CAMTA1: variants seen among roughly 807,000 people sequenced by gnomAD.
CAMTA1 encodes the protein calmodulin binding transcription activator 1, also known as calmodulin-binding transcription activator 1.
A neutral mutation model predicts 170.9 loss-of-function variants in CAMTA1; 27 were observed. That is an observed-to-expected ratio of 0.16 (90% confidence interval 0.12 to 0.22). The LOEUF is 0.22. Among genes scored for constraint, CAMTA1 ranks in the 10% least tolerant of loss-of-function variants. CAMTA1 has a pLI of 1.00. For synonymous variants in CAMTA1, 833 were observed against 891.5 expected (o/e 0.93, Z 1.17); for missense variants, 1,619 against 2,217.2 (o/e 0.73, Z 5.42).
chr1:6,884,291 GAC>G (rs112571156), intron 3 of CAMTA1, among the ~76,000 whole-genome samples: 4,080 of 136,562 alleles, frequency 0.03, 118 homozygotes, highest in African/African-American at 0.082. Flanking sequence ...ATTCTCTAGA[GAC>G]ACACACACAC....
intron 1 of CAMTA1, among the ~76,000 whole-genome samples, chr1:6,809,647 G>A (rs1429908616): frequency 6.6e-6 from 1 of 152,140 alleles, no homozygotes; most frequent in Non-Finnish European, 1.5e-5. Context: ...TCACAGTTGT[G>A]AGTGAGATTG....
At chr1:7,485,486 G>T (rs375744962) in intron 6 of CAMTA1, among the ~76,000 whole-genome samples, 1 of 152,234 alleles carries the variant, frequency 6.6e-6, no homozygotes, top group South Asian at 2.1e-4. Context: ...TCTGAACTTG[G>T]AGTAGTATGG....
chr1:7,655,289 C>CAA (rs766130080), intron 7 of CAMTA1, among the ~76,000 whole-genome samples: 12,626 of 145,922 alleles, frequency 0.087, 734 homozygotes, highest in Non-Finnish European at 0.13. Context: ...GTTATACACA[C>CAA]ACACACCTAT....
intron 11 of CAMTA1, chr1:7,694,771 C>T (rs890659686): frequency 4.6e-5 from 7 of 152,572 alleles, no homozygotes; most frequent in South Asian, 2.1e-4. Context: ...GTCCCCTCCT[C>T]GATGGCTACT....
rs1215284856 is a variant in CAMTA1, at chr1:7,748,664, T to C, written c.4689+883T>C. 1.3e-5 allele frequency among the ~76,000 whole-genome samples: 2 copies of C among 152,230 alleles called. No homozygotes were observed. Among genetic ancestry groups the C allele is most frequent in the African/African-American group, 4.8e-5 (2 of 41,460 alleles). The stretch of plus-strand genomic sequence containing the variant: ...CTTTGAGTTTGAATTATATAAGGTA[T>C]TTAATCTTTGGCCATTTTCCTTTCA... On this transcript the variant is annotated intron_variant, in intron 19 of 22. Transcript: ENST00000303635. The surrounding 1 kb of genome is among the most constrained non-coding windows in gnomAD (Gnocchi z 4.7).
intron 6 of CAMTA1, among the ~76,000 whole-genome samples, chr1:7,537,832 G>A (rs1220754874): frequency 2.0e-5 from 3 of 152,204 alleles, no homozygotes; most frequent in Non-Finnish European, 2.9e-5. Context: ...GTTCAGTCTC[G>A]CCTTTTGGGG....
intron 6 of CAMTA1, among the ~76,000 whole-genome samples, chr1:7,536,067 G>A (rs953798349): frequency 3.9e-5 from 6 of 152,048 alleles, no homozygotes; most frequent in East Asian, 3.9e-4. Context: ...CAACCTCCTC[G>A]TGGCATTAAA....
intron 11 of CAMTA1, among the ~76,000 whole-genome samples, chr1:7,700,391 A>G (rs4908681): frequency 0.4 from 61,551 of 152,130 alleles, 13,314 homozygotes; most frequent in Middle Eastern, 0.55. Flanking sequence ...TCTTATTTTT[A>G]AATTGTCACT....
chr1:6,845,353 C>G (rs1374000824), intron 3 of CAMTA1, among the ~76,000 whole-genome samples: 2 of 152,170 alleles, frequency 1.3e-5, no homozygotes, highest in Non-Finnish European at 2.9e-5. Context: ...GCTACCACCT[C>G]TAACTACCTC....
chr1:6,936,122 G>A (rs1198243878), intron 3 of CAMTA1, among the ~76,000 whole-genome samples: 1 of 152,230 alleles, frequency 6.6e-6, no homozygotes, highest in Non-Finnish European at 1.5e-5. Context: ...CCTGACTGAG[G>A]TGGAAAGCAT....
intron 4 of CAMTA1, among the ~76,000 whole-genome samples, chr1:7,226,702 A>AT (rs912926140): frequency 1.4e-4 from 22 of 151,988 alleles, no homozygotes; most frequent in South Asian, 1.2e-3. Context: ...CCATTTTGCA[A>AT]TTTTTTTTTA....
At chr1:7,077,828 C>T (rs1278430621) in intron 3 of CAMTA1, among the ~76,000 whole-genome samples, 1 of 152,036 alleles carries the variant, frequency 6.6e-6, no homozygotes, top group African/African-American at 2.4e-5. Context: ...CCTGTAGGCA[C>T]CAGAGCTGTT....
chr1:6,859,147 C>A (rs769900071), intron 3 of CAMTA1, among the ~76,000 whole-genome samples: 1 of 152,134 alleles, frequency 6.6e-6, no homozygotes, highest in Non-Finnish European at 1.5e-5. Flanking sequence ...CCATTGTGAG[C>A]AATTTGATTT....
At chr1:7,056,138 C>T (rs74053720) in intron 3 of CAMTA1, among the ~76,000 whole-genome samples, 1,716 of 152,248 alleles carry the variant, frequency 0.011, 27 homozygotes, top group African/African-American at 0.038. Flanking sequence ...ATCAGAAGGA[C>T]ACAGAGCTGG....
Position 7,738,454 on chromosome 1 carries a change from A to G in CAMTA1, c.4154A>G (p.Glu1385Gly), listed in dbSNP as rs1162031599. 1.2e-6 allele frequency: 2 copies of G among 1,613,992 alleles called. No homozygotes were observed. The highest frequency in any genetic ancestry group is 4.5e-5 in the East Asian group (2 of 44,864). ...TACCGTGATAGTGCAGAAAATGAAG[A>G]ATGCGGCCAGCCCATGGATGACATA... The part of the protein sequence containing the change: ...GSYRDSAENE[E>G]CGQPMDDIQV... The change falls in exon 16 of 23, where the codon GAA becomes GGA. Residue 1385 changes from glutamate (E) to glycine (G), a missense_variant. Physicochemically the swap from Glu to Gly is moderately conservative, Grantham distance 98. This residue lies in a region of CAMTA1 where 370 missense variants were observed against 429.4 expected (regional missense o/e 0.86). Transcript: ENST00000303635. The surrounding 1 kb of genome is among the most constrained non-coding windows in gnomAD (Gnocchi z 4.9).
chr1:7,734,732 T>C (rs1422632895), intron 12 of CAMTA1, among the ~76,000 whole-genome samples: 1 of 152,190 alleles, frequency 6.6e-6, no homozygotes, highest in East Asian at 1.9e-4. Context: ...AATCCCATCA[T>C]CTGCCTTTTT....
chr1:7,530,057 C>T (rs1429631627), intron 6 of CAMTA1, among the ~76,000 whole-genome samples: 3 of 152,178 alleles, frequency 2.0e-5, no homozygotes, highest in South Asian at 2.1e-4. Flanking sequence ...TTCCCTGTAC[C>T]TGGGGAGGGC....
At chr1:7,186,722 G>A (rs1001462846) in intron 4 of CAMTA1, among the ~76,000 whole-genome samples, 4 of 152,104 alleles carry the variant, frequency 2.6e-5, no homozygotes, top group South Asian at 2.1e-4. Context: ...ATTTATTCAC[G>A]CATTAACATC....
chr1:7,068,539 C>A (rs1042863579), intron 3 of CAMTA1, among the ~76,000 whole-genome samples: 1 of 152,068 alleles, frequency 6.6e-6, no homozygotes, highest in Admixed American at 6.6e-5. Context: ...TGGGGATGAA[C>A]GTGCCCTGTG....
Sources: gnomAD v4.1 joint callset for allele counts (sites outside exome capture counted in the v4.1 genomes callset) on GRCh38, gnomAD v4.1.1 for gene constraint, gnomAD v4.1.1 regional missense constraint, Gnocchi (gnomAD v3.1) non-coding constraint, MANE v1.5 for transcripts, NCBI Gene and HGNC (gene_info 2026-07-23, HGNC 2026-07-21) for gene names.